The following CAMTA1 variants were observed in gnomAD, a reference collection of about 807,000 sequenced individuals.
CAMTA1 encodes the protein calmodulin-binding transcription activator 1.
Under a neutral mutation model 170.9 loss-of-function variants are expected in CAMTA1, and 27 were observed. That is an observed-to-expected ratio of 0.16 (90% confidence interval 0.12 to 0.22). CAMTA1 has a LOEUF of 0.22. Ranked by LOEUF, CAMTA1 falls within the 10% of genes least tolerant of loss-of-function variation. CAMTA1 has a pLI of 1.00. For missense variants in CAMTA1, 1,619 were observed against 2,217.2 expected, an observed-to-expected ratio of 0.73 and a Z score of 5.42; for synonymous variants, 833 against 891.5, an observed-to-expected ratio of 0.93 and a Z score of 1.17.
At chr1:6,789,098 A>G (rs758941941) in intron 1 of CAMTA1, among the ~76,000 whole-genome samples, 1 of 151,980 alleles carries the variant, frequency 6.6e-6, no homozygotes, top group Non-Finnish European at 1.5e-5. Context: ...TGCTTCTGCA[A>G]ATGTTGGGTT....
intron 3 of CAMTA1, among the ~76,000 whole-genome samples, chr1:7,076,039 G>A (rs772032738): frequency 2.6e-5 from 4 of 152,150 alleles, no homozygotes; most frequent in African/African-American, 4.8e-5. Context: ...GAAGACCTAG[G>A]TTTTCACTAT....
chr1:7,440,623 C>T (rs1575341083), intron 5 of CAMTA1, among the ~76,000 whole-genome samples: 1 of 152,068 alleles, frequency 6.6e-6, no homozygotes, highest in Admixed American at 6.6e-5. Context: ...TTTGTTTTTC[C>T]TTCAAGAGAG....
chr1:6,962,727 G>T (rs114972785), intron 3 of CAMTA1, among the ~76,000 whole-genome samples: 2,450 of 147,306 alleles, frequency 0.017, 68 homozygotes, highest in African/African-American at 0.058. Context: ...CTGCCCCATG[G>T]CTGGCCCCAT....
intron 3 of CAMTA1, among the ~76,000 whole-genome samples, chr1:7,011,629 C>A (rs1699817061): frequency 1.3e-5 from 2 of 152,218 alleles, no homozygotes; most frequent in African/African-American, 4.8e-5. Context: ...GTCCCAGTTC[C>A]CAGCTTCATC....
chr1:7,310,979 C>T (rs1214728051), intron 5 of CAMTA1, among the ~76,000 whole-genome samples: 1 of 152,082 alleles, frequency 6.6e-6, no homozygotes, highest in Non-Finnish European at 1.5e-5. Flanking sequence ...GATCCACGGG[C>T]CTAAGCCTCC....
chr1:7,127,636 A>G (rs1017542578), intron 4 of CAMTA1, among the ~76,000 whole-genome samples: 1 of 152,214 alleles, frequency 6.6e-6, no homozygotes, highest in African/African-American at 2.4e-5. Context: ...ACTCCGTGCC[A>G]AGCAGGCACG....
chr1:7,189,682 G>A (rs948048595), intron 4 of CAMTA1, among the ~76,000 whole-genome samples: 1 of 152,210 alleles, frequency 6.6e-6, no homozygotes, highest in Admixed American at 6.5e-5. Flanking sequence ...TGCACTGCTG[G>A]TGGGAATGTA....
chr1:7,573,918 C>T (rs772454954), intron 6 of CAMTA1, among the ~76,000 whole-genome samples: 43 of 152,024 alleles, frequency 2.8e-4, no homozygotes, highest in Non-Finnish European at 4.7e-4. Flanking sequence ...GGATTACAGG[C>T]GTGCACCACC....
intron 6 of CAMTA1, among the ~76,000 whole-genome samples, chr1:7,631,427 A>C (rs2095668131): frequency 6.6e-6 from 1 of 151,992 alleles, no homozygotes; most frequent in Non-Finnish European, 1.5e-5. Flanking sequence ...CCTCAAAGGC[A>C]CTCTCCTTTC....
intron 5 of CAMTA1, among the ~76,000 whole-genome samples, chr1:7,292,966 TG>T (rs1279065058): frequency 1.3e-5 from 2 of 152,022 alleles, no homozygotes; most frequent in Admixed American, 6.5e-5. Flanking sequence ...AGAGGTTGGG[TG>T]GGATCTCTGG....
chr1:7,031,686 C>T (rs574394770), intron 3 of CAMTA1, among the ~76,000 whole-genome samples: 18 of 152,112 alleles, frequency 1.2e-4, no homozygotes, highest in East Asian at 3.9e-4. Flanking sequence ...ACTACAGGCG[C>T]GTGCCACCAT....
chr1:6,919,240 T>A (rs1253796509), intron 3 of CAMTA1, among the ~76,000 whole-genome samples: 1 of 152,226 alleles, frequency 6.6e-6, no homozygotes, highest in Non-Finnish European at 1.5e-5. Context: ...TGTTTGATCC[T>A]TCACCTCTCT....
intron 3 of CAMTA1, among the ~76,000 whole-genome samples, chr1:7,090,633 ATGT>A (rs1180775762): frequency 6.6e-6 from 1 of 152,104 alleles, no homozygotes; most frequent in Admixed American, 6.6e-5. Flanking sequence ...ATCTGCAGTG[ATGT>A]TGTTGTGTTT....
At chr1:7,170,307 T>C (rs1384920128) in intron 4 of CAMTA1, among the ~76,000 whole-genome samples, 1 of 152,092 alleles carries the variant, frequency 6.6e-6, no homozygotes, top group Non-Finnish European at 1.5e-5. Flanking sequence ...TTTTTTTTTT[T>C]TTAATTTTAC....
rs548914227 is a variant in CAMTA1, at chr1:7,288,409, G to A, written c.438+38783G>A. 3.9e-5 allele frequency among the ~76,000 whole-genome samples: 6 copies of A among 152,300 alleles called. 1 individual carries two copies. Among genetic ancestry groups the A allele is most frequent in the African/African-American group, 1.2e-4 (5 of 41,554 alleles). On this transcript the variant is annotated intron_variant, in intron 5 of 22. Coordinates refer to ENST00000303635, the MANE Select transcript of CAMTA1 (RefSeq NM_015215.4). ...TGAAGTTTCAGAATTAATGTCAGAC[G>A]TTCATCTCTGCATTGTCCATAGCCC...
At chr1:7,410,427 G>A (rs534070294) in intron 5 of CAMTA1, among the ~76,000 whole-genome samples, 3 of 152,348 alleles carry the variant, frequency 2.0e-5, no homozygotes, top group Admixed American at 2.0e-4. Flanking sequence ...AGGAGCCCAC[G>A]TGGGTGCAGA....
Position 7,050,395 on chromosome 1 carries a change from C to G in CAMTA1, c.235-40909C>G, listed in dbSNP as rs952807895. 1.2e-4 allele frequency among the ~76,000 whole-genome samples: 18 copies of G among 152,238 alleles called. No homozygotes were observed. Among genetic ancestry groups the G allele is most frequent in the Admixed American group, 2.0e-4 (3 of 15,298 alleles). ...AGGGCGGAGAAGCCTGAAGCTGAGT[C>G]CCTGGGGTGCAGGGCCCACACTCTG... On this transcript the variant is annotated intron_variant, in intron 3 of 22. Coordinates refer to ENST00000303635, the MANE Select transcript of CAMTA1 (RefSeq NM_015215.4). This position sits in a 1 kb window ranked among gnomAD's most constrained non-coding sequence, Gnocchi z 4.8.
At chr1:7,658,723 A>C (rs987623436) in intron 7 of CAMTA1, among the ~76,000 whole-genome samples, 1 of 152,148 alleles carries the variant, frequency 6.6e-6, no homozygotes, top group Non-Finnish European at 1.5e-5. Flanking sequence ...TTCTGCAGTA[A>C]TCTGTCTTCT....
rs139021459 is a variant in CAMTA1, at chr1:7,069,193, G to A, written c.235-22111G>A. On this transcript the variant is annotated intron_variant, in intron 3 of 22. Coordinates refer to ENST00000303635, the MANE Select transcript of CAMTA1 (RefSeq NM_015215.4). ...AAAGATTGTCATCCTTCACCACGAA[G>A]AGGCCGTTGTCATTTAGTGAGTACC... 1.9e-3 allele frequency among the ~76,000 whole-genome samples: 290 copies of A among 152,324 alleles called. 1 individual carries two copies. Among genetic ancestry groups the A allele is most frequent in the Admixed American group, 5.4e-3 (82 of 15,302 alleles).
Sources: gnomAD v4.1 joint callset for allele counts (sites outside exome capture counted in the v4.1 genomes callset) on GRCh38, gnomAD v4.1.1 for gene constraint, Gnocchi (gnomAD v3.1) non-coding constraint, MANE v1.5 for transcripts, NCBI Gene and HGNC (gene_info 2026-07-23, HGNC 2026-07-21) for gene names.